CDH13: variants seen among roughly 807,000 people sequenced by gnomAD.
CDH13 encodes the protein cadherin-13.
CDH13 carries 24 observed loss-of-function variants against 63.8 expected under a neutral mutation model. That is an observed-to-expected ratio of 0.38 (90% CI 0.27 to 0.53). The LOEUF is 0.53. Ranked by LOEUF, CDH13 falls within the 20% of genes least tolerant of loss-of-function variation. The probability of loss-of-function intolerance (pLI) is 0.85; values close to 1 mark genes in which losing one functional copy is unlikely to be tolerated. For synonymous variants in CDH13, 503 were observed against 355.3 expected, an observed-to-expected ratio of 1.42 and a Z score of -4.67; for missense variants, 1,049 against 903.1, an observed-to-expected ratio of 1.16 and a Z score of -2.07.
At chr16:82,766,904 G>A (rs957168929) in intron 1 of CDH13, among the ~76,000 whole-genome samples, 3 of 151,520 alleles carry the variant, frequency 2.0e-5, no homozygotes, top group Non-Finnish European at 4.4e-5. Flanking sequence ...TTTTTTACAC[G>A]TACAGAAAAG....
intron 1 of CDH13, among the ~76,000 whole-genome samples, chr16:82,659,540 C>G (rs982935445): frequency 8.5e-5 from 13 of 152,140 alleles, no homozygotes; most frequent in African/African-American, 3.1e-4. Flanking sequence ...AGAATATATA[C>G]TCAAACATGT....
chr16:83,666,316 A>C (rs1913946660), intron 8 of CDH13, among the ~76,000 whole-genome samples: 1 of 152,264 alleles, frequency 6.6e-6, no homozygotes, highest in African/African-American at 2.4e-5. Flanking sequence ...ATGAGTATTT[A>C]ATTAAGGAAT....
At chr16:82,878,438 T>C (rs1239394920) in intron 2 of CDH13, among the ~76,000 whole-genome samples, 1 of 149,390 alleles carries the variant, frequency 6.7e-6, no homozygotes, top group Admixed American at 6.9e-5. Flanking sequence ...CTGGGAAAAT[T>C]TGAAGAGAAA....
chr16:82,944,730 C>T (rs1414581716), intron 2 of CDH13, among the ~76,000 whole-genome samples: 1 of 152,054 alleles, frequency 6.6e-6, no homozygotes, highest in Non-Finnish European at 1.5e-5. Flanking sequence ...ACACATATTT[C>T]TTCATAGGCC....
chr16:83,286,349 C>T (rs1157702798), intron 5 of CDH13, among the ~76,000 whole-genome samples: 2 of 152,160 alleles, frequency 1.3e-5, no homozygotes, highest in Admixed American at 6.5e-5. Flanking sequence ...GAGTTCTATC[C>T]TCAGGGCATC....
intron 5 of CDH13, among the ~76,000 whole-genome samples, chr16:83,230,892 TAGAA>T (rs1201219406): frequency 6.6e-6 from 1 of 152,202 alleles, no homozygotes; most frequent in Non-Finnish European, 1.5e-5. Flanking sequence ...GGCCCTAAGA[TAGAA>T]AGAAAGGAAA....
chr16:82,913,539 A>G (rs1282708453), intron 2 of CDH13, among the ~76,000 whole-genome samples: 1 of 152,146 alleles, frequency 6.6e-6, no homozygotes, highest in African/African-American at 2.4e-5. Context: ...ATGGCTTGTT[A>G]CTGTGGGTCG....
At chr16:83,360,295 C>T (rs928371679) in intron 6 of CDH13, among the ~76,000 whole-genome samples, 1 of 152,150 alleles carries the variant, frequency 6.6e-6, no homozygotes. Context: ...GAAAATACAT[C>T]TGTGTTCTGT....
chr16:83,042,685 C>T (rs893074185), intron 3 of CDH13, among the ~76,000 whole-genome samples: 2 of 152,294 alleles, frequency 1.3e-5, no homozygotes, highest in South Asian at 4.1e-4. Context: ...GGGACTGCTG[C>T]TCTAAATAAT....
rs181930179 is a variant in CDH13, at chr16:83,076,834, C to T, written c.366+44616C>T. ...TACTATGAAACCCACAAAGCTTATG[C>T]GTCATGTTTACATTTTGACAAACAT... On this transcript the variant is annotated intron_variant, in intron 3 of 13. Coordinates refer to ENST00000567109, the MANE Select transcript of CDH13 (RefSeq NM_001257.5). Among the ~76,000 whole-genome samples the T allele has an allele frequency of 7.2e-5, 11 of 152,136 alleles. No homozygotes were observed. The East Asian group carries it at 2.1e-3, about 29-fold the overall frequency.
intron 1 of CDH13, among the ~76,000 whole-genome samples, chr16:82,691,755 A>G (rs1189478589): frequency 6.6e-6 from 1 of 152,156 alleles, no homozygotes; most frequent in African/African-American, 2.4e-5. Context: ...ATCAGGAAAG[A>G]TGGTCTCCCC....
intron 8 of CDH13, among the ~76,000 whole-genome samples, chr16:83,611,476 T>A (rs1456905079): frequency 6.6e-6 from 1 of 152,128 alleles, no homozygotes; most frequent in African/African-American, 2.4e-5. Flanking sequence ...ATCCACTTTA[T>A]TAATCTTTTC....
intron 10 of CDH13, among the ~76,000 whole-genome samples, chr16:83,705,235 A>G (rs1272511302): frequency 5.9e-5 from 9 of 152,226 alleles, no homozygotes; most frequent in Admixed American, 5.9e-4. Flanking sequence ...TTCATACAAA[A>G]TGTCATGCTC....
In CDH13 at chr16:83,678,318, C is replaced by CT; in HGVS notation, c.1395_1396insT (p.Ile466TyrfsTer62). ...GCCCCAGCTCCACAGCCACCGTCCA[C>CT]ATCACTGTCCTGGATGTCAACGAGG... On this transcript the variant is annotated frameshift_variant, in exon 10 of 14. Coordinates refer to ENST00000567109, the MANE Select transcript of CDH13 (RefSeq NM_001257.5). LOFTEE classifies it high-confidence loss of function. The CT allele has an allele frequency of 6.2e-7, 1 of 1,614,020 alleles. No homozygotes were observed. Among genetic ancestry groups the CT allele is most frequent in the Non-Finnish European group, 8.5e-7 (1 of 1,179,900 alleles).
At chr16:83,765,163 C>T (rs892042920) in intron 11 of CDH13, among the ~76,000 whole-genome samples, 2 of 152,196 alleles carry the variant, frequency 1.3e-5, no homozygotes, top group African/African-American at 2.4e-5. Flanking sequence ...ATAGCATTAG[C>T]GTTTCAAGAG....
chr16:82,681,918 C>T (rs1914593208), intron 1 of CDH13, among the ~76,000 whole-genome samples: 2 of 152,232 alleles, frequency 1.3e-5, no homozygotes, highest in Non-Finnish European at 1.5e-5. Context: ...CTCCAGTTGC[C>T]TGCAGCAGTT....
At chr16:83,012,914 TAC>T (rs1914306076) in intron 2 of CDH13, among the ~76,000 whole-genome samples, 1 of 152,198 alleles carries the variant, frequency 6.6e-6, no homozygotes, top group Admixed American at 6.5e-5. Flanking sequence ...GGCAATACAA[TAC>T]ACATGCATAG....
chr16:82,846,102 C>G (rs1438686078), intron 1 of CDH13, among the ~76,000 whole-genome samples: 1 of 152,176 alleles, frequency 6.6e-6, no homozygotes, highest in Non-Finnish European at 1.5e-5. Context: ...GAGTTTATTT[C>G]TGCCAAATGG....
chr16:83,658,226 A>G (rs1169768240), intron 8 of CDH13, among the ~76,000 whole-genome samples: 170 of 132,284 alleles, frequency 1.3e-3, no homozygotes, highest in African/African-American at 4.6e-3. Flanking sequence ...ACCAGGTCCC[A>G]TATCCTCACC....
Sources: gnomAD v4.1 joint callset for allele counts (sites outside exome capture counted in the v4.1 genomes callset) on GRCh38, gnomAD v4.1.1 for gene constraint, MANE v1.5 for transcripts, NCBI Gene and HGNC (gene_info 2026-07-23, HGNC 2026-07-21) for gene names.